Variants in LCMT1 observed in about 807,000 individuals in gnomAD.
LCMT1 encodes the protein leucine carboxyl methyltransferase 1, also known as [Phosphatase 2A protein]-leucine-carboxy methyltransferase 1.
LCMT1 carries 32 observed loss-of-function variants against 47.7 expected under a neutral mutation model. That is an observed-to-expected ratio of 0.67 (90% confidence interval 0.51 to 0.90). LCMT1 has a LOEUF of 0.90. Among genes scored for constraint, LCMT1 ranks in the 40% least tolerant of loss-of-function variants. LCMT1 has a pLI of 0.00. For synonymous variants in LCMT1, 152 were observed against 149.7 expected (o/e 1.02, Z -0.11); for missense variants, 375 against 415.2 (o/e 0.90, Z 0.84).
chr16:25,138,977 G>T (rs1166779618), intron 3 of LCMT1, among the ~76,000 whole-genome samples: 1 of 150,652 alleles, frequency 6.6e-6, no homozygotes, highest in Non-Finnish European at 1.5e-5. Flanking sequence ...GTCTCGCTTT[G>T]TCGCCAGGCT....
chr16:25,149,894 C>CAGAGCA (rs1961017010), intron 4 of LCMT1, among the ~76,000 whole-genome samples: 1 of 116,564 alleles, frequency 8.6e-6, no homozygotes, highest in South Asian at 2.6e-4. Flanking sequence ...GCCTGGGTGA[C>CAGAGCA]AGAGCAAGAC....
At chr16:25,164,844 T>A in intron 7 of LCMT1, 126 bp downstream of exon 7, 1 of 1,264,078 alleles carries the variant, frequency 7.9e-7, no homozygotes, top group Non-Finnish European at 1.1e-6. Flanking sequence ...CATATCTCCT[T>A]TATTCACCAA....
intron 5 of LCMT1, among the ~76,000 whole-genome samples, chr16:25,153,691 G>A (rs1368745707): frequency 6.6e-6 from 1 of 151,968 alleles, no homozygotes; most frequent in African/African-American, 2.4e-5. Flanking sequence ...GGTGGCTCAC[G>A]CCTGTAATCC....
chr16:25,138,717 G>A (rs565581357), intron 3 of LCMT1, among the ~76,000 whole-genome samples: 22 of 152,218 alleles, frequency 1.4e-4, no homozygotes, highest in South Asian at 4.1e-4. Flanking sequence ...TTTGATCCCC[G>A]CCCTAGTTTC....
intron 4 of LCMT1, chr16:25,147,205 G>C (rs980038218): frequency 2.0e-5 from 3 of 152,188 alleles, no homozygotes; most frequent in African/African-American, 7.2e-5. Context: ...CATAGTCCTA[G>C]ATCCACCACC....
chr16:25,132,744 A>G (rs1213237193), intron 3 of LCMT1, among the ~76,000 whole-genome samples: 1 of 152,102 alleles, frequency 6.6e-6, no homozygotes, highest in African/African-American at 2.4e-5. Context: ...GTTGTTACAA[A>G]TGGAGCTATA....
At chr16:25,172,327 G>A (rs1341009778) in intron 9 of LCMT1, among the ~76,000 whole-genome samples, 1 of 151,726 alleles carries the variant, frequency 6.6e-6, no homozygotes, top group African/African-American at 2.4e-5. Context: ...AAAAAATAGG[G>A]TACATAGTAT....
intron 1 of LCMT1, among the ~76,000 whole-genome samples, chr16:25,115,962 G>A (rs1028155487): frequency 6.6e-6 from 1 of 152,208 alleles, no homozygotes; most frequent in Admixed American, 6.5e-5. Context: ...ACAGGCATGA[G>A]CCACCACGCC....
rs977197174 is a variant in LCMT1, at chr16:25,164,528, CAT to C, written c.570-69_570-68del. 6.2e-6 allele frequency: 10 copies of C among 1,600,356 alleles called. No individual in the cohort carries two copies. In the African/African-American group the frequency reaches 8.0e-5, roughly 13 times the overall value. ...ATGGACCGCCCCACCAATACTGCAA[CAT>C]GTGTACAATTAGAGGGTCCTGACTT... is the stretch of plus-strand genomic sequence containing the variant. On this transcript the variant is annotated intron_variant, in intron 6 of 10. Coordinates refer to ENST00000399069, the MANE Select transcript of LCMT1 (RefSeq NM_016309.3).
intron 7 of LCMT1, among the ~76,000 whole-genome samples, chr16:25,165,517 CT>C (rs202030233): frequency 0.11 from 15,736 of 145,274 alleles, 978 homozygotes; most frequent in East Asian, 0.29. Context: ...CTTTTCTTTT[CT>C]TTTTTTTTTT....
rs1407959267 is a variant in LCMT1, at chr16:25,151,747, T to G, written c.466+132T>G. On this transcript the variant is annotated intron_variant, in intron 5 of 10. Transcript: ENST00000399069. ...TGGTGTTATACAATGTATTGTCAAC[T>G]GAAGAATGACGAGGTTCATAAATTA... is the stretch of plus-strand genomic sequence containing the variant. The G allele has an allele frequency of 3.5e-5, 21 of 592,070 alleles. No individual in the cohort carries two copies. In the Middle Eastern group the frequency reaches 1.2e-3, roughly 34 times the overall value. The allele number at this position is 592,070 out of a possible 1,614,324, so 36.7% of individuals were successfully genotyped here. A position where few individuals can be genotyped will look rare whatever the true frequency, so the allele number is the denominator to read the frequency against.
At chr16:25,113,721 C>T (rs1218672063) in intron 1 of LCMT1, among the ~76,000 whole-genome samples, 1 of 152,160 alleles carries the variant, frequency 6.6e-6, no homozygotes, top group Admixed American at 6.5e-5. Context: ...TGGTAACTTC[C>T]ACCTGCCGGG....
chr16:25,171,277 G>A (rs1961759797), intron 9 of LCMT1, among the ~76,000 whole-genome samples: 1 of 151,952 alleles, frequency 6.6e-6, no homozygotes, highest in African/African-American at 2.4e-5. Context: ...AGCCGGGTGT[G>A]GTGGCACACA....
rs1374172190 is a variant in LCMT1, at chr16:25,127,217, CTTGGTTCAACATT to C, written c.114-1256_114-1244del. Among the ~76,000 whole-genome samples, 3 of 152,148 alleles carry C rather than the reference CTTGGTTCAACATT, an allele frequency of 2.0e-5. No homozygotes were observed. In the East Asian group the frequency reaches 5.8e-4, roughly 29 times the overall value. On this transcript the variant is annotated intron_variant, in intron 1 of 10. Coordinates refer to ENST00000399069, the MANE Select transcript of LCMT1 (RefSeq NM_016309.3). ...GTAATGCATCCTATTTTTTATTTTA[CTTGGTTCAACATT>C]TAAAAAAGTAATGCAGGTTTGCAAA...
chr16:25,161,359 C>CTT (rs377602015), intron 6 of LCMT1, among the ~76,000 whole-genome samples, 155 bp downstream of exon 6: 6 of 141,910 alleles, frequency 4.2e-5, no homozygotes, highest in South Asian at 4.5e-4. Flanking sequence ...GAAAAAAATT[C>CTT]TTTTTTTTTT....
At chr16:25,115,822 T>A (rs1959766876) in intron 1 of LCMT1, among the ~76,000 whole-genome samples, 1 of 152,072 alleles carries the variant, frequency 6.6e-6, no homozygotes, top group Non-Finnish European at 1.5e-5. Flanking sequence ...GGACTACAGG[T>A]GCCTGCCACC....
At chr16:25,123,270 G>A (rs1189109371) in intron 1 of LCMT1, among the ~76,000 whole-genome samples, 1 of 145,698 alleles carries the variant, frequency 6.9e-6, no homozygotes, top group African/African-American at 2.6e-5. Flanking sequence ...TGTTGCCCAG[G>A]CTAGAGTGCA....
Position 25,135,291 on chromosome 16 carries a change from ATC to A in LCMT1, c.327+2770_327+2771del, listed in dbSNP as rs1342967820. 4.3e-3 allele frequency among the ~76,000 whole-genome samples: 526 copies of A among 122,374 alleles called. 5 individuals carry two copies. Among genetic ancestry groups the A allele is most frequent in the African/African-American group, 0.012 (458 of 39,230 alleles). 80.3% of individuals were successfully genotyped at this position (122,374 alleles called of 152,430 possible). On this transcript the variant is annotated intron_variant, in intron 3 of 10. Coordinates refer to ENST00000399069, the MANE Select transcript of LCMT1 (RefSeq NM_016309.3). ...GTCTGAAGTTTCTTTTAAAATATAT[ATC>A]TATATATATATATATAACATTTGTT...
In LCMT1 at chr16:25,170,766, T is replaced by C; in HGVS notation, c.845T>C (p.Met282Thr). 1.2e-6 allele frequency: 2 copies of C among 1,613,626 alleles called. No individual in the cohort carries two copies. Among genetic ancestry groups the C allele is most frequent in the Non-Finnish European group, 1.7e-6 (2 of 1,179,618 alleles). Residue 282 changes from methionine (M) to threonine (T), a missense_variant, in exon 9 of 11, where the codon ATG (methionine) becomes ACG (threonine). Met to Thr is a moderately conservative substitution (Grantham distance 81). Coordinates refer to ENST00000399069, the MANE Select transcript of LCMT1 (RefSeq NM_016309.3). ...GAAACAGCATCGGCCGTCGACATGATGGAGTTGTACAACAGGTTACCTCGA... is the reference window on the plus strand; with the variant it reads ...GAAACAGCATCGGCCGTCGACATGACGGAGTTGTACAACAGGTTACCTCGA... ...GWETASAVDM[M>T]ELYNRLPRAE...
Sources: gnomAD v4.1 joint callset for allele counts (sites outside exome capture counted in the v4.1 genomes callset) on GRCh38, gnomAD v4.1.1 for gene constraint, MANE v1.5 for transcripts, NCBI Gene and HGNC (gene_info 2026-07-23, HGNC 2026-07-21) for gene names.